Variants in EVL observed in about 807,000 individuals in gnomAD.
The protein encoded by EVL is ena/VASP-like protein.
EVL carries 21 observed loss-of-function variants against 59.6 expected under a neutral mutation model. The observed-to-expected ratio is 0.35, with a 90% CI of 0.25 to 0.51. The LOEUF is 0.51. EVL is among the 20% of genes least tolerant of loss of function. EVL has a pLI of 0.97. For synonymous variants in EVL, 198 were observed against 203.5 expected, an observed-to-expected ratio of 0.97 and a Z score of 0.23; for missense variants, 462 against 546.6, an observed-to-expected ratio of 0.85 and a Z score of 1.54.
At chr14:100,107,425 T>A in intron 3 of EVL, 2 of 397,780 alleles carry the variant, frequency 5.0e-6, no homozygotes, top group Non-Finnish European at 8.8e-6. Flanking sequence ...GTCATGAGAC[T>A]GGGTTTACAT....
At chr14:100,081,088 T>C (rs1356332136) in intron 1 of EVL, among the ~76,000 whole-genome samples, 6 of 152,212 alleles carry the variant, frequency 3.9e-5, no homozygotes, top group African/African-American at 1.4e-4. Flanking sequence ...GAGATCAGTC[T>C]GGGCAACATA....
intron 1 of EVL, among the ~76,000 whole-genome samples, chr14:99,993,057 C>CT (rs544024215): frequency 0.093 from 11,995 of 129,612 alleles, 1,650 homozygotes; most frequent in African/African-American, 0.28. Context: ...GCGTATAATC[C>CT]TTTTTTTTTT....
chr14:100,141,096 CCAGCCTGAGCGGGGCCTCTGCA>C, intron 11 of EVL, 62 bp from the exon 12 acceptor site: 2 of 1,403,846 alleles, frequency 1.4e-6, no homozygotes, highest in South Asian at 1.3e-5. Flanking sequence ...GCAGGTGGGC[CCAGCCTGAGCGGGGCCTCTGCA>C]CAGCCAGCTT....
intron 1 of EVL, among the ~76,000 whole-genome samples, chr14:100,021,197 T>TA (rs1227009674): frequency 6.6e-6 from 1 of 152,222 alleles, no homozygotes; most frequent in Non-Finnish European, 1.5e-5. Context: ...AGCCTTTCAT[T>TA]ACGTTTCATG....
intron 1 of EVL, among the ~76,000 whole-genome samples, chr14:100,056,766 C>T (rs117391304): frequency 0.023 from 3,437 of 152,226 alleles, 69 homozygotes; most frequent in Non-Finnish European, 0.028. Context: ...CTTGAAAAAA[C>T]GAGGCCCTAT....
intron 3 of EVL, among the ~76,000 whole-genome samples, chr14:100,112,795 T>C (rs1046096418): frequency 2.0e-5 from 3 of 152,258 alleles, no homozygotes; most frequent in Non-Finnish European, 2.9e-5. Context: ...TTTTTCTTCC[T>C]ACATGTTGTG....
intron 1 of EVL, among the ~76,000 whole-genome samples, chr14:100,028,941 T>C (rs2061266228): frequency 6.6e-6 from 1 of 152,242 alleles, no homozygotes; most frequent in South Asian, 2.1e-4. Flanking sequence ...GCTATGACTG[T>C]CACTTTATTT....
intron 3 of EVL, among the ~76,000 whole-genome samples, chr14:100,119,754 G>A (rs1007645017): frequency 6.6e-6 from 1 of 152,206 alleles, no homozygotes; most frequent in African/African-American, 2.4e-5. Flanking sequence ...TAGCGTTAGT[G>A]TATTAGGACT....
At chr14:100,131,376 A>G (rs1566724831) in intron 7 of EVL, among the ~76,000 whole-genome samples, 1 of 152,186 alleles carries the variant, frequency 6.6e-6, no homozygotes, top group Non-Finnish European at 1.5e-5. Flanking sequence ...GCAGGGATCA[A>G]TCAGGTGCTC....
intron 1 of EVL, among the ~76,000 whole-genome samples, chr14:100,059,063 TTAATA>T (rs2061779303): frequency 6.6e-6 from 1 of 152,236 alleles, no homozygotes; most frequent in Admixed American, 6.5e-5. Context: ...CTTTGGTAGT[TTAATA>T]ATCATATTTG....
At chr14:100,059,347 G>A (rs2061784106) in intron 1 of EVL, among the ~76,000 whole-genome samples, 1 of 152,210 alleles carries the variant, frequency 6.6e-6, no homozygotes, top group African/African-American at 2.4e-5. Flanking sequence ...CAAATGGAAA[G>A]GTGATTTTAG....
chr14:100,135,059 GTTGA>G (rs1225957737), intron 8 of EVL: 3 of 152,258 alleles, frequency 2.0e-5, no homozygotes, highest in Admixed American at 1.3e-4. Flanking sequence ...ACATGTGTGT[GTTGA>G]TTGACATAAT....
rs201174002 is a variant in EVL, at chr14:100,143,684, C to T, written c.1220-17C>T. On this transcript the variant is annotated splice_polypyrimidine_tract_variant and intron_variant, in intron 13 of 13. Transcript: ENST00000392920. The stretch of plus-strand genomic sequence containing the variant: ...CTGGTCATGGCTGCACCTGAGCCGC[C>T]GCCACCTGTCCCGCAGCCATCAGGC... The T allele has an allele frequency of 7.8e-5, 125 of 1,611,482 alleles. No homozygotes were observed. The highest frequency in any genetic ancestry group is 7.2e-4 in the African/African-American group (54 of 75,026).
intron 2 of EVL, 96 bp from the exon 3 acceptor site, chr14:100,097,385 C>T: frequency 9.3e-7 from 1 of 1,081,040 alleles, no homozygotes. Context: ...TCTTCCTGTC[C>T]TCTCAAGGAT....
chr14:100,062,643 G>C (rs1193531606), upstream of EVL, among the ~76,000 whole-genome samples: 1 of 152,126 alleles, frequency 6.6e-6, no homozygotes, highest in Admixed American at 6.5e-5. Context: ...TTAAAAGATA[G>C]AAATTGTCAG....
chr14:100,040,058 G>T (rs1380026818), intron 1 of EVL, among the ~76,000 whole-genome samples: 1 of 152,178 alleles, frequency 6.6e-6, no homozygotes, highest in African/African-American at 2.4e-5. Context: ...GGGCCTACAG[G>T]CATGAGCCAC....
At position 100,097,702 on chromosome 14, in the gene EVL, G is replaced by T. The variant is rs1194250259; in HGVS notation, c.358+44G>T. On this transcript the variant is annotated intron_variant, in intron 3 of 13. Coordinates refer to ENST00000392920, the MANE Select transcript of EVL (RefSeq NM_016337.3). ...TGGCCTGATGCTGAGACCCTCTCTT[G>T]TTCTACCTCTGCCCTCCCACAGCTC... is the stretch of plus-strand genomic sequence containing the variant. 3 of 1,547,988 alleles carry T rather than the reference G, an allele frequency of 1.9e-6. No individual in the cohort carries two copies. The East Asian group carries it at 6.8e-5, about 35-fold the overall frequency.
At chr14:99,981,341 A>G (rs1288930937) in intron 1 of EVL, among the ~76,000 whole-genome samples, 1 of 152,188 alleles carries the variant, frequency 6.6e-6, no homozygotes, top group Non-Finnish European at 1.5e-5. Flanking sequence ...CTGAGGCAGA[A>G]GAATTGCTTG....
intron 1 of EVL, among the ~76,000 whole-genome samples, chr14:100,070,093 TAA>T (rs1164360175): frequency 2.2e-5 from 3 of 136,838 alleles, no homozygotes; most frequent in Non-Finnish European, 4.8e-5. Context: ...AGAAAGAAAA[TAA>T]AATTAAAAAA....
Sources: allele counts gnomAD v4.1 joint callset (sites outside exome capture counted in the v4.1 genomes callset), GRCh38; gene constraint gnomAD v4.1.1; transcripts MANE v1.5; gene names NCBI Gene and HGNC (gene_info 2026-07-23, HGNC 2026-07-21).